Variants in SMC5 observed in about 807,000 individuals in gnomAD.
SMC5 encodes structural maintenance of chromosomes 5.
SMC5 carries 88 observed loss-of-function variants against 148.3 expected under a neutral mutation model. That is an observed-to-expected ratio of 0.59 (90% confidence interval 0.50 to 0.71). The LOEUF is 0.71. Ranked by LOEUF, SMC5 falls within the 30% of genes least tolerant of loss-of-function variation. The pLI, the probability that SMC5 is intolerant of heterozygous loss-of-function variation, is 0.00. For missense variants in SMC5, 1,142 were observed against 1,298.9 expected, an observed-to-expected ratio of 0.88 and a Z score of 1.86; for synonymous variants, 421 against 432.8, an observed-to-expected ratio of 0.97 and a Z score of 0.34.
intron 11 of SMC5, chr9:70,311,619 A>G (rs2035659451): frequency 6.6e-6 from 1 of 152,082 alleles, no homozygotes; most frequent in Non-Finnish European, 1.5e-5. Flanking sequence ...TAAACCAGTC[A>G]AATTTAGCAG....
chr9:70,346,221 G>T (rs544176130), intron 18 of SMC5, among the ~76,000 whole-genome samples: 2 of 152,262 alleles, frequency 1.3e-5, no homozygotes, highest in African/African-American at 4.8e-5. Context: ...CAGTAAGTCA[G>T]AGATTCAACA....
intron 16 of SMC5, 81 bp downstream of exon 16, chr9:70,323,687 AGGTT>A: frequency 4.3e-5 from 62 of 1,444,234 alleles, no homozygotes; most frequent in Non-Finnish European, 5.0e-5. Flanking sequence ...GAGGGAGGGA[AGGTT>A]TTGATTAAGG....
chr9:70,296,648 C>A (rs1361766578), intron 8 of SMC5, among the ~76,000 whole-genome samples: 1 of 151,630 alleles, frequency 6.6e-6, no homozygotes, highest in East Asian at 1.9e-4. Context: ...TGCATTATAA[C>A]TTTTATAATG....
rs1426393848 is a variant in SMC5 at position 70,289,006 on chromosome 9, T to G, written c.1053+2735T>G. On this transcript the variant is annotated intron_variant, in intron 8 of 24. Transcript: ENST00000361138. ...TATGTATACTCGTATGTTCTACTTTTTTGTTAACCTACTTGATTTAGTTTT... is the reference window on the plus strand; with the variant it reads ...TATGTATACTCGTATGTTCTACTTTGTTGTTAACCTACTTGATTTAGTTTT... 2.0e-5 allele frequency among the ~76,000 whole-genome samples: 3 copies of G among 152,268 alleles called. No homozygotes were observed. The East Asian group carries it at 5.8e-4, about 29-fold the overall frequency.
intron 11 of SMC5, among the ~76,000 whole-genome samples, chr9:70,312,828 A>G (rs547085802): frequency 1.3e-5 from 2 of 152,226 alleles, no homozygotes; most frequent in African/African-American, 4.8e-5. Flanking sequence ...CTGTTTACCA[A>G]TATTTTACAA....
Position 70,315,592 on chromosome 9 carries a change from G to T in SMC5, c.1806+14G>T. 2 of 1,551,128 alleles carry T rather than the reference G, an allele frequency of 1.3e-6. No homozygotes were observed. Among genetic ancestry groups the T allele is most frequent in the South Asian group, 1.2e-5 (1 of 80,286 alleles). ...AGAATTGAACGGGTAGGAAAGTAGT[G>T]AATCATGTACTGAATCATGTACCAA... On this transcript the variant is annotated intron_variant, in intron 13 of 24. Coordinates refer to ENST00000361138, the MANE Select transcript of SMC5 (RefSeq NM_015110.4).
chr9:70,353,132 T>C lies in SMC5; in HGVS notation c.*801T>C, dbSNP rs913330094. The C allele has an allele frequency of 1.3e-5, 2 of 152,052 alleles. No homozygotes were observed. The highest frequency in any genetic ancestry group is 2.9e-5 in the Non-Finnish European group (2 of 67,984). The allele number at this position is 152,052 out of a possible 1,614,324, so 9.4% of individuals were successfully genotyped here. ...TATTTAAAGTCAATTATATTTTACA[T>C]CTTACATTTCTAAAAGCATTTTATA... On this transcript the variant is annotated 3_prime_UTR_variant, in exon 25 of 25. Transcript: ENST00000361138.
In SMC5 at chr9:70,286,185, G is replaced by A. The variant is rs779121856; in HGVS notation, c.982-15G>A. 7 of 1,108,578 alleles carry A rather than the reference G, an allele frequency of 6.3e-6. No individual in the cohort carries two copies. The highest frequency in any genetic ancestry group is 2.5e-5 in the Admixed American group (1 of 39,708). 68.7% of individuals were successfully genotyped at this position (1,108,578 alleles called of 1,614,324 possible). A position where few individuals can be genotyped will look rare whatever the true frequency, so the allele number is the denominator to read the frequency against. On this transcript the variant is annotated splice_polypyrimidine_tract_variant and intron_variant, in intron 7 of 24. Transcript: ENST00000361138. ...TAACTAGCTGTCCCCCCCTCTCCCC[G>A]GTTTAATTTTACAGGCAACAGATAT...
intron 1 of SMC5, among the ~76,000 whole-genome samples, chr9:70,261,762 G>A (rs1253041124): frequency 6.6e-6 from 1 of 152,228 alleles, no homozygotes; most frequent in Non-Finnish European, 1.5e-5. Flanking sequence ...TACATTAAGG[G>A]TGAACTGAAG....
rs59694037 is a variant in SMC5, at chr9:70,309,318, C to CTTTTTTTTTTTTTTTTTTTT, written c.1578+3970_1578+3989dup. On this transcript the variant is annotated intron_variant, in intron 11 of 24. Coordinates refer to ENST00000361138, the MANE Select transcript of SMC5 (RefSeq NM_015110.4). The stretch of plus-strand genomic sequence containing the variant: ...ATAGCAGAATTTCTTTTTCCTTTTC[C>CTTTTTTTTTTTTTTTTTTTT]TTTTTTTTTTTTTTTTTTTTTTTTT... 1.3e-4 allele frequency among the ~76,000 whole-genome samples: 10 copies of CTTTTTTTTTTTTTTTTTTTT among 79,162 alleles called. 2 individuals are homozygous for CTTTTTTTTTTTTTTTTTTTT. The highest frequency in any genetic ancestry group is 2.2e-4 in the Admixed American group (1 of 4,528). 51.9% of individuals were successfully genotyped at this position (79,162 alleles called of 152,430 possible).
chr9:70,271,872 A>G (rs556678117), intron 3 of SMC5, among the ~76,000 whole-genome samples: 101 of 152,304 alleles, frequency 6.6e-4, no homozygotes, highest in African/African-American at 2.4e-3. Context: ...GAAGGAGGAG[A>G]ATAGTAAAAG....
intron 1 of SMC5, among the ~76,000 whole-genome samples, chr9:70,260,244 A>G (rs2034076726): frequency 1.3e-5 from 2 of 152,266 alleles, no homozygotes; most frequent in African/African-American, 4.8e-5. Context: ...AGCTGGGATT[A>G]CAGCCAGCCG....
At chr9:70,350,591 A>G in intron 24 of SMC5, 120 bp downstream of exon 24, 1 of 592,202 alleles carries the variant, frequency 1.7e-6, no homozygotes, top group Non-Finnish European at 2.9e-6. Flanking sequence ...GGAATTTAAA[A>G]GGTTAACAGT....
At chr9:70,262,760 A>G (rs1318053116) in intron 1 of SMC5, among the ~76,000 whole-genome samples, 1 of 152,186 alleles carries the variant, frequency 6.6e-6, no homozygotes, top group Admixed American at 6.5e-5. Context: ...AGAATACATG[A>G]GATACCTCGT....
intron 9 of SMC5, among the ~76,000 whole-genome samples, chr9:70,298,771 G>C (rs2035278425): frequency 6.6e-6 from 1 of 151,498 alleles, no homozygotes; most frequent in Non-Finnish European, 1.5e-5. Flanking sequence ...AGGATAGAAG[G>C]GTGGCACAAC....
chr9:70,351,540 A>G (rs1259192087), intron 24 of SMC5, among the ~76,000 whole-genome samples: 1 of 152,108 alleles, frequency 6.6e-6, no homozygotes, highest in Non-Finnish European at 1.5e-5. Context: ...CAGGCTATCA[A>G]AGAAGTTGCT....
chr9:70,267,902 T>C (rs1446969039), intron 2 of SMC5, 21 bp from the exon 3 acceptor site: 5 of 1,601,992 alleles, frequency 3.1e-6, no homozygotes, highest in Non-Finnish European at 3.4e-6. Context: ...CACAGCTCAC[T>C]TTTTCTTTTT....
At chr9:70,305,134 A>G (rs185661957) in intron 10 of SMC5, 113 bp from the exon 11 acceptor site, 7 of 548,000 alleles carry the variant, frequency 1.3e-5, no homozygotes, top group Admixed American at 6.6e-5. Flanking sequence ...CTTTTTTTTT[A>G]TCTTGTTTTT....
chr9:70,300,605 C>T (rs2035333814), intron 10 of SMC5, among the ~76,000 whole-genome samples: 1 of 152,052 alleles, frequency 6.6e-6, no homozygotes, highest in Non-Finnish European at 1.5e-5. Flanking sequence ...TCACCTGCTA[C>T]AAAGAACGGG....
Sources: gnomAD v4.1 joint callset for allele counts (sites outside exome capture counted in the v4.1 genomes callset) on GRCh38, gnomAD v4.1.1 for gene constraint, MANE v1.5 for transcripts, NCBI Gene and HGNC (gene_info 2026-07-23, HGNC 2026-07-21) for gene names.